PREP: variants seen among roughly 807,000 people sequenced by gnomAD.
PREP encodes dJ355L5.1 (prolyl endopeptidase).
Under a neutral mutation model 87.6 loss-of-function variants are expected in PREP, and 29 were observed. The observed-to-expected ratio is 0.33, with a 90% CI of 0.25 to 0.45. The LOEUF (loss-of-function observed/expected upper bound fraction) is 0.45. Among genes scored for constraint, PREP ranks in the 20% least tolerant of loss-of-function variants. PREP has a pLI of 1.00. For synonymous variants in PREP, 337 were observed against 328.6 expected, an observed-to-expected ratio of 1.03 and a Z score of -0.28; for missense variants, 695 against 886.5, an observed-to-expected ratio of 0.78 and a Z score of 2.74.
intron 8 of PREP, among the ~76,000 whole-genome samples, chr6:105,331,462 T>C (rs1327898858): frequency 6.6e-6 from 1 of 152,168 alleles, no homozygotes; most frequent in Admixed American, 6.5e-5. Context: ...CATGATGGTG[T>C]CCTATACAAG....
chr6:105,288,737 CTG>C lies in PREP; in HGVS notation c.1454+19_1454+20del. 6.2e-7 allele frequency: 1 copy of C among 1,612,720 alleles called. No homozygotes were observed. Among genetic ancestry groups the C allele is most frequent in the Admixed American group, 1.7e-5 (1 of 59,694 alleles). On this transcript the variant is annotated intron_variant, in intron 11 of 14. Transcript: ENST00000652536. ...ATGGAAAAGATAAAATACTGGCACTCTGAGTGCGTTCCGAGCTCACCTGTAGT... is the reference window on the plus strand; with the variant it reads ...ATGGAAAAGATAAAATACTGGCACTCAGTGCGTTCCGAGCTCACCTGTAGT...
chr6:105,296,684 A>G (rs1452264771), intron 10 of PREP, among the ~76,000 whole-genome samples: 2 of 152,136 alleles, frequency 1.3e-5, no homozygotes, highest in Admixed American at 1.3e-4. Context: ...GTTCCTTTCC[A>G]GGTCTCATCC....
chr6:105,374,613 A>T (rs2114710223), intron 4 of PREP, among the ~76,000 whole-genome samples: 1 of 121,818 alleles, frequency 8.2e-6, no homozygotes, highest in African/African-American at 2.9e-5. Flanking sequence ...TCTACATAGC[A>T]CTGGAGTGTT....
intron 1 of PREP, among the ~76,000 whole-genome samples, chr6:105,399,225 A>G (rs1370547412): frequency 1.3e-5 from 2 of 152,214 alleles, no homozygotes; most frequent in Admixed American, 6.5e-5. Context: ...TGTTGGGAAG[A>G]CTACCTCTAT....
At chr6:105,312,105 T>C (rs1045756736) in intron 10 of PREP, among the ~76,000 whole-genome samples, 7 of 152,244 alleles carry the variant, frequency 4.6e-5, no homozygotes, top group African/African-American at 1.7e-4. Context: ...GCTCCAGATG[T>C]AGGTAGCACA....
In PREP at chr6:105,288,763, G is replaced by C; in HGVS notation, c.1449C>G (p.Asn483Lys). ...TGAGTGCGTTCCGAGCTCACCTGTAGTTGGGTGTGATGGATATGTTGAAGC... is the reference window on the plus strand; with the variant it reads ...TGAGTGCGTTCCGAGCTCACCTGTACTTGGGTGTGATGGATATGTTGAAGC... The part of the protein sequence containing the change: ...YGGFNISITP[N>K]YSVSRLIFVR... The change falls in exon 11 of 15, where the codon AAC (asparagine) becomes AAG (lysine). Residue 483 changes from asparagine (N) to lysine (K), a missense_variant. By Grantham distance (94) the Asn-to-Lys change is moderately conservative. Around this residue, in one of 5 missense-constraint regions of PREP, gnomAD observed 517 missense variants for 620.3 expected, o/e 0.83. Coordinates refer to ENST00000652536, the MANE Select transcript of PREP (RefSeq NM_002726.5). 6.2e-7 allele frequency: 1 copy of C among 1,614,080 alleles called. No homozygotes were observed. Among genetic ancestry groups the C allele is most frequent in the Non-Finnish European group, 8.5e-7 (1 of 1,179,988 alleles).
At chr6:105,352,842 A>C (rs1023624044) in intron 7 of PREP, 130 bp downstream of exon 7, 3 of 826,608 alleles carry the variant, frequency 3.6e-6, no homozygotes, top group Admixed American at 4.7e-5. Context: ...CTAAAAGAAA[A>C]AAAATCAGAT....
chr6:105,394,092 A>G (rs1019770633), intron 2 of PREP, among the ~76,000 whole-genome samples: 2 of 152,196 alleles, frequency 1.3e-5, no homozygotes, highest in African/African-American at 2.4e-5. Flanking sequence ...ATATAGTTGT[A>G]AGGAACATAA....
intron 7 of PREP, among the ~76,000 whole-genome samples, chr6:105,333,919 A>C (rs1247177203): frequency 6.6e-6 from 1 of 152,180 alleles, no homozygotes; most frequent in Non-Finnish European, 1.5e-5. Flanking sequence ...GCAACATCTG[A>C]AAATGTCTGG....
intron 10 of PREP, among the ~76,000 whole-genome samples, chr6:105,301,007 G>A (rs1044406342): frequency 6.6e-6 from 1 of 152,094 alleles, no homozygotes; most frequent in Non-Finnish European, 1.5e-5. Context: ...GTGTTAAGAC[G>A]CACGAATGTG....
At chr6:105,323,254 C>T in intron 10 of PREP, 2 of 691,306 alleles carry the variant, frequency 2.9e-6, no homozygotes, top group South Asian at 3.2e-5. Flanking sequence ...TGCACATGAA[C>T]TTCAGACTAA....
chr6:105,364,302 C>T (rs1004840437), intron 6 of PREP, among the ~76,000 whole-genome samples: 10 of 152,172 alleles, frequency 6.6e-5, no homozygotes, highest in African/African-American at 1.4e-4. Flanking sequence ...CACAGCGTGA[C>T]GGAGGGCAAC....
At chr6:105,391,639 T>C (rs1773150768) in intron 2 of PREP, among the ~76,000 whole-genome samples, 1 of 152,214 alleles carries the variant, frequency 6.6e-6, no homozygotes, top group Non-Finnish European at 1.5e-5. Context: ...GTTTCAACTA[T>C]ATCAACAGGC....
intron 2 of PREP, among the ~76,000 whole-genome samples, chr6:105,380,933 C>T (rs1039590499): frequency 1.3e-5 from 2 of 152,196 alleles, no homozygotes; most frequent in Non-Finnish European, 2.9e-5. Context: ...AGCTGTTTCT[C>T]TATTTTGCTT....
chr6:105,285,751 T>C (rs1770178410), intron 11 of PREP, among the ~76,000 whole-genome samples, 171 bp from the exon 12 acceptor site: 1 of 152,224 alleles, frequency 6.6e-6, no homozygotes, highest in Non-Finnish European at 1.5e-5. Flanking sequence ...CATAACTTCC[T>C]GTTAATACTT....
In PREP at chr6:105,273,348, C is replaced by T. The variant is rs1769866051; in HGVS notation, c.*4796G>A. On this transcript the variant is annotated 3_prime_UTR_variant, in exon 15 of 15. Transcript: ENST00000652536. Reference sequence around the variant, plus strand: ...TAATACATTTACCAGGTTGTGCAACCGTTACTGAAATCCAGTTTTAGAACA... The same window carrying T: ...TAATACATTTACCAGGTTGTGCAACTGTTACTGAAATCCAGTTTTAGAACA... 1 of 152,132 alleles carries T rather than the reference C, an allele frequency of 6.6e-6. No individual in the cohort carries two copies. Among genetic ancestry groups the T allele is most frequent in the Admixed American group, 6.5e-5 (1 of 15,282 alleles). The allele number at this position is 152,132 out of a possible 1,614,324, so 9.4% of individuals were successfully genotyped here. A position where few individuals can be genotyped will look rare whatever the true frequency, so the allele number is the denominator to read the frequency against.
At chr6:105,284,235 G>C (rs555025245) in intron 12 of PREP, among the ~76,000 whole-genome samples, 3 of 152,088 alleles carry the variant, frequency 2.0e-5, no homozygotes, top group African/African-American at 7.2e-5. Flanking sequence ...ATGATAACTG[G>C]CAACGATGGA....
In PREP at chr6:105,371,487, T is replaced by A. The variant is rs549399978; in HGVS notation, c.595+1882A>T. On this transcript the variant is annotated intron_variant, in intron 5 of 14. Transcript: ENST00000652536. ...CTGCACTCCAGCCTGGGTGACACAG[T>A]GAGATTCCATCTCAAAAAAAAAAAA... Among the ~76,000 whole-genome samples, 5 of 109,202 alleles carry A rather than the reference T, an allele frequency of 4.6e-5. No individual in the cohort carries two copies. The South Asian group carries it at 1.1e-3, about 25-fold the overall frequency. The allele number at this position is 109,202 out of a possible 152,430, so 71.6% of individuals were successfully genotyped here. A position where few individuals can be genotyped will look rare whatever the true frequency, so the allele number is the denominator to read the frequency against.
At chr6:105,323,163 C>A in intron 10 of PREP, 1 of 1,248,214 alleles carries the variant, frequency 8.0e-7, no homozygotes, top group South Asian at 1.3e-5. Flanking sequence ...TGGCCAAAGA[C>A]GAAGCTTGTG....
Sources: gnomAD v4.1 joint callset for allele counts (sites outside exome capture counted in the v4.1 genomes callset) on GRCh38, gnomAD v4.1.1 for gene constraint, gnomAD v4.1.1 regional missense constraint, MANE v1.5 for transcripts, NCBI Gene and HGNC (gene_info 2026-07-23, HGNC 2026-07-21) for gene names.